SLC7A14: variants seen among roughly 807,000 people sequenced by gnomAD.
SLC7A14 encodes the protein gamma-aminobutyric acid transporter SLC7A14.
A neutral mutation model predicts 60.2 loss-of-function variants in SLC7A14; 37 were observed. That is an observed-to-expected ratio of 0.61 (90% CI 0.47 to 0.81). The LOEUF (loss-of-function observed/expected upper bound fraction) is 0.81, where lower values mean the gene tolerates loss of function less well. Among genes scored for constraint, SLC7A14 ranks in the 30% least tolerant of loss-of-function variants. The pLI, the probability that SLC7A14 is intolerant of heterozygous loss-of-function variation, is 0.00. For missense variants in SLC7A14, 886 were observed against 982.7 expected (o/e 0.90, Z 1.32); for synonymous variants, 399 against 395.8 (o/e 1.01, Z -0.10).
chr3:170,530,886 G>A (rs1281533675), intron 1 of SLC7A14, among the ~76,000 whole-genome samples: 3 of 152,186 alleles, frequency 2.0e-5, no homozygotes, highest in African/African-American at 7.2e-5. Context: ...CGAGGAGAGA[G>A]GCCCTGCGGC....
intron 4 of SLC7A14, among the ~76,000 whole-genome samples, chr3:170,489,453 G>T (rs1340543974): frequency 1.3e-5 from 2 of 152,156 alleles, no homozygotes; most frequent in African/African-American, 4.8e-5. Context: ...TGCTGGCAAG[G>T]ATGTGGAGAA....
rs1291675054 is a variant in SLC7A14, at chr3:170,464,147, A to G, written c.*2908T>C. ...CCTCACTTAATTTTTGTTTTGTATT[A>G]TATATATTTTAGTAGCTGCCTCAAA... On this transcript the variant is annotated 3_prime_UTR_variant, in exon 8 of 8. Transcript: ENST00000231706. The G allele has an allele frequency of 6.6e-6, 1 of 152,120 alleles. No individual in the cohort carries two copies. Among genetic ancestry groups the G allele is most frequent in the Non-Finnish European group, 1.5e-5 (1 of 68,026 alleles). The allele number at this position is 152,120 out of a possible 1,614,324, so 9.4% of individuals were successfully genotyped here.
chr3:170,552,014 A>G lies in SLC7A14; in HGVS notation c.-152-24926T>C, dbSNP rs181095735. ...TCCAAAATTACAAAGACTTATGACT[A>G]TATTTTCTTCCAAGAATTTTATTGT... On this transcript the variant is annotated intron_variant, in intron 1 of 7. Coordinates refer to ENST00000231706, the MANE Select transcript of SLC7A14 (RefSeq NM_020949.3). Among the ~76,000 whole-genome samples, 6 of 152,342 alleles carry G rather than the reference A, an allele frequency of 3.9e-5. No individual in the cohort carries two copies. The East Asian group carries it at 1.2e-3, about 29-fold the overall frequency.
rs114958317 is a variant in SLC7A14 at position 170,488,973 on chromosome 3, C to T, written c.760-2605G>A. 6.0e-3 allele frequency among the ~76,000 whole-genome samples: 914 copies of T among 152,136 alleles called. 11 individuals are homozygous for T. Among genetic ancestry groups the T allele is most frequent in the African/African-American group, 0.021 (880 of 41,482 alleles). On this transcript the variant is annotated intron_variant, in intron 4 of 7. Coordinates refer to ENST00000231706, the MANE Select transcript of SLC7A14 (RefSeq NM_020949.3). ...TGTTTTCATCCAACGTTTTCAAACG[C>T]AATCATAGGCTGTAAGACTACCCCT...
At chr3:170,529,310 A>G (rs1257613331) in intron 1 of SLC7A14, among the ~76,000 whole-genome samples, 3 of 152,120 alleles carry the variant, frequency 2.0e-5, no homozygotes, top group Admixed American at 6.5e-5. Flanking sequence ...CTGATTTGAA[A>G]CTTTCTTGTT....
At chr3:170,566,392 GTTC>G (rs1357862457) in intron 1 of SLC7A14, among the ~76,000 whole-genome samples, 2 of 152,196 alleles carry the variant, frequency 1.3e-5, no homozygotes, top group African/African-American at 4.8e-5. Flanking sequence ...TTGGAGCTAA[GTTC>G]TTCTCAAACA....
chr3:170,514,309 A>G (rs550971572), intron 2 of SLC7A14, among the ~76,000 whole-genome samples: 26 of 152,364 alleles, frequency 1.7e-4, no homozygotes, highest in African/African-American at 6.3e-4. Context: ...GGTGCTTGGC[A>G]TAACTCCTTT....
intron 1 of SLC7A14, among the ~76,000 whole-genome samples, chr3:170,544,567 T>A (rs1416296701): frequency 6.6e-6 from 1 of 152,182 alleles, no homozygotes; most frequent in Non-Finnish European, 1.5e-5. Flanking sequence ...GATAAACCCA[T>A]CATAAGTTTA....
chr3:170,516,261 G>A (rs1939396625), intron 2 of SLC7A14, among the ~76,000 whole-genome samples: 1 of 152,192 alleles, frequency 6.6e-6, no homozygotes, highest in Admixed American at 6.5e-5. Flanking sequence ...ACTGCTGACA[G>A]GTGACAGAAA....
chr3:170,475,617 G>A (rs569449640), intron 7 of SLC7A14, among the ~76,000 whole-genome samples: 1 of 152,322 alleles, frequency 6.6e-6, no homozygotes, highest in African/African-American at 2.4e-5. Flanking sequence ...TCCCCTTAGA[G>A]CAGTGGCACG....
At chr3:170,519,201 T>A (rs1417239355) in intron 2 of SLC7A14, among the ~76,000 whole-genome samples, 1 of 152,174 alleles carries the variant, frequency 6.6e-6, no homozygotes, top group Non-Finnish European at 1.5e-5. Context: ...GATCTTCCCA[T>A]CGTAAATTGG....
At chr3:170,500,770 C>A (rs1222638908) in intron 3 of SLC7A14, among the ~76,000 whole-genome samples, 2 of 152,106 alleles carry the variant, frequency 1.3e-5, no homozygotes, top group Non-Finnish European at 2.9e-5. Context: ...CATGTTATTA[C>A]AAGTTTCCCT....
intron 1 of SLC7A14, among the ~76,000 whole-genome samples, chr3:170,560,877 T>C (rs1404324328): frequency 6.6e-6 from 1 of 152,214 alleles, no homozygotes; most frequent in African/African-American, 2.4e-5. Flanking sequence ...CCACGTGTCT[T>C]ATAGTAACCA....
At chr3:170,537,970 T>A (rs1225785588) in intron 1 of SLC7A14, among the ~76,000 whole-genome samples, 1 of 152,172 alleles carries the variant, frequency 6.6e-6, no homozygotes, top group Non-Finnish European at 1.5e-5. Context: ...TCTTGCAGGA[T>A]TTGAGGGAAG....
At chr3:170,538,197 A>G (rs190327133) in intron 1 of SLC7A14, among the ~76,000 whole-genome samples, 1 of 152,358 alleles carries the variant, frequency 6.6e-6, no homozygotes, top group Non-Finnish European at 1.5e-5. Flanking sequence ...AGAGTTGTCC[A>G]TCTGAGATAC....
At chr3:170,534,434 T>C (rs1174197629) in intron 1 of SLC7A14, among the ~76,000 whole-genome samples, 1 of 152,150 alleles carries the variant, frequency 6.6e-6, no homozygotes. Flanking sequence ...CCTCCTCCCA[T>C]TGAAGGCAGG....
At chr3:170,502,035 A>G (rs1712624932) in intron 2 of SLC7A14, among the ~76,000 whole-genome samples, 1 of 152,246 alleles carries the variant, frequency 6.6e-6, no homozygotes, top group Admixed American at 6.5e-5. Flanking sequence ...TTGACAGTGT[A>G]AAAATGTATA....
intron 7 of SLC7A14, 28 bp downstream of exon 7, chr3:170,480,261 T>G (rs1386500125): frequency 6.6e-7 from 1 of 1,514,796 alleles, no homozygotes; most frequent in African/African-American, 1.4e-5. Flanking sequence ...AAAAGGGAAC[T>G]CTTAAGGCTC....
Position 170,466,934 on chromosome 3 carries a change from G to T in SLC7A14, c.*121C>A. The T allele has an allele frequency of 1.2e-6, 1 of 818,370 alleles. No homozygotes were observed. The highest frequency in any genetic ancestry group is 1.9e-6 in the Non-Finnish European group (1 of 513,460). The allele number at this position is 818,370 out of a possible 1,614,324, so 50.7% of individuals were successfully genotyped here. ...TAGCAAATGACAGGCTATGACTAGG[G>T]ATTGAATTTGGGGAAGGCTGGATTT... On this transcript the variant is annotated 3_prime_UTR_variant, in exon 8 of 8. Coordinates refer to ENST00000231706, the MANE Select transcript of SLC7A14 (RefSeq NM_020949.3).
Sources: allele counts gnomAD v4.1 joint callset (sites outside exome capture counted in the v4.1 genomes callset), GRCh38; gene constraint gnomAD v4.1.1; transcripts MANE v1.5; gene names NCBI Gene and HGNC (gene_info 2026-07-23, HGNC 2026-07-21).